PREP: variants seen among roughly 807,000 people sequenced by gnomAD.
The protein encoded by PREP is prolyl endopeptidase.
PREP carries 29 observed loss-of-function variants against 87.6 expected under a neutral mutation model. That is an observed-to-expected ratio of 0.33 (90% CI 0.25 to 0.45). The LOEUF is 0.45. PREP is among the 20% of genes least tolerant of loss of function. PREP has a pLI of 1.00. For synonymous variants in PREP, 337 were observed against 328.6 expected (o/e 1.03, Z -0.28); for missense variants, 695 against 886.5 (o/e 0.78, Z 2.74).
At chr6:105,340,860 C>T (rs924737649) in intron 7 of PREP, among the ~76,000 whole-genome samples, 1 of 152,156 alleles carries the variant, frequency 6.6e-6, no homozygotes. Context: ...TATATATGCA[C>T]CCAATACAGG....
At chr6:105,372,605 A>G (rs1253942503) in intron 5 of PREP, among the ~76,000 whole-genome samples, 1 of 152,230 alleles carries the variant, frequency 6.6e-6, no homozygotes, top group Admixed American at 6.5e-5. Context: ...GAGAAGAACA[A>G]TAAAGGTGTG....
intron 10 of PREP, chr6:105,322,145 A>T (rs913473434): frequency 3.5e-6 from 1 of 282,542 alleles, no homozygotes; most frequent in Non-Finnish European, 5.3e-6. Flanking sequence ...TTGGTATAGG[A>T]TGAGGGTGAA....
chr6:105,318,086 C>CT (rs980484676), intron 10 of PREP, among the ~76,000 whole-genome samples: 4 of 152,124 alleles, frequency 2.6e-5, no homozygotes, highest in African/African-American at 7.2e-5. Context: ...TGCCAAAGGC[C>CT]TTTTTTTGCC....
Position 105,287,102 on chromosome 6 carries a change from T to C in PREP, c.1455-1522A>G, listed in dbSNP as rs2114614701. On this transcript the variant is annotated intron_variant, in intron 11 of 14. Transcript: ENST00000652536. The stretch of plus-strand genomic sequence containing the variant: ...TAAACCCCAACATTTATCGTCTTGC[T>C]TTTTTTCAAGGGGCAAGGTTGCTCT... Among the ~76,000 whole-genome samples, 2 of 152,112 alleles carry C rather than the reference T, an allele frequency of 1.3e-5. 1 individual carries two copies. Among genetic ancestry groups the C allele is most frequent in the Middle Eastern group, 6.8e-3 (2 of 292 alleles).
chr6:105,353,595 A>C (rs545345737), intron 6 of PREP, among the ~76,000 whole-genome samples: 1 of 152,056 alleles, frequency 6.6e-6, no homozygotes, highest in Admixed American at 6.6e-5. Context: ...AACATGGTGA[A>C]ACCCTGTCTC....
intron 6 of PREP, among the ~76,000 whole-genome samples, chr6:105,358,052 TAATTCCTAAATTTACA>T (rs1772148140): frequency 6.6e-6 from 1 of 152,040 alleles, no homozygotes; most frequent in African/African-American, 2.4e-5. Context: ...AATTATGAAA[TAATTCCTAAATTTACA>T]AATTCCTAAA....
chr6:105,401,279 T>C (rs1252457285), intron 1 of PREP, among the ~76,000 whole-genome samples: 2 of 152,194 alleles, frequency 1.3e-5, no homozygotes, highest in South Asian at 2.1e-4. Context: ...ACTGCACTTA[T>C]CAAACCACAG....
At chr6:105,300,251 T>C (rs1318135082) in intron 10 of PREP, among the ~76,000 whole-genome samples, 1 of 152,202 alleles carries the variant, frequency 6.6e-6, no homozygotes, top group African/African-American at 2.4e-5. Context: ...AAAAGCGATA[T>C]TCCAGATACA....
intron 6 of PREP, among the ~76,000 whole-genome samples, chr6:105,365,703 C>T (rs935434672): frequency 1.4e-4 from 21 of 152,098 alleles, no homozygotes; most frequent in African/African-American, 4.6e-4. Context: ...TGGGATGACA[C>T]CAGTCACAAC....
chr6:105,397,717 G>T, intron 2 of PREP, 136 bp downstream of exon 2: 1 of 641,970 alleles, frequency 1.6e-6, no homozygotes, highest in Non-Finnish European at 2.7e-6. Context: ...AAAAGTAGTG[G>T]TAACAACAGG....
At chr6:105,279,040 G>A (rs890346559) in intron 14 of PREP, 1 of 152,194 alleles carries the variant, frequency 6.6e-6, no homozygotes, top group African/African-American at 2.4e-5. Flanking sequence ...TTTGCCAGAG[G>A]AGGAGGGCAC....
chr6:105,343,267 GAA>G (rs1771708824), intron 7 of PREP, among the ~76,000 whole-genome samples: 1 of 152,148 alleles, frequency 6.6e-6, no homozygotes, highest in Non-Finnish European at 1.5e-5. Context: ...ACAAAAACAA[GAA>G]ATGGGGAAAG....
At chr6:105,298,025 T>C (rs1770447637) in intron 10 of PREP, 1 of 152,214 alleles carries the variant, frequency 6.6e-6, no homozygotes, top group South Asian at 2.1e-4. Context: ...TTCTAAGCAT[T>C]AGTGAGCCAG....
intron 6 of PREP, among the ~76,000 whole-genome samples, chr6:105,363,364 C>T (rs139310532): frequency 4.5e-4 from 68 of 152,262 alleles, no homozygotes; most frequent in Middle Eastern, 3.4e-3. Context: ...CAGATGCTCA[C>T]AATTCACTTT....
intron 7 of PREP, 140 bp from the exon 8 acceptor site, chr6:105,333,645 G>A: frequency 3.4e-6 from 3 of 877,504 alleles, no homozygotes; most frequent in Non-Finnish European, 5.3e-6. Flanking sequence ...GCATGAAAAG[G>A]AGCAAGAACC....
chr6:105,327,090 A>G (rs1005180980), intron 9 of PREP, among the ~76,000 whole-genome samples: 2 of 152,188 alleles, frequency 1.3e-5, no homozygotes, highest in African/African-American at 4.8e-5. Flanking sequence ...TTTTAAGAGC[A>G]GGTGAGTCAC....
chr6:105,373,728 C>T, intron 4 of PREP, 150 bp from the exon 5 acceptor site: 1 of 798,526 alleles, frequency 1.3e-6, no homozygotes, highest in Non-Finnish European at 2.0e-6. Context: ...ATCCCGGGGG[C>T]TCAGCCCAAG....
At position 105,308,409 on chromosome 6, in the gene PREP, T is replaced by G. The variant is rs117279123; in HGVS notation, c.1317+15256A>C. ...ATGCAACAACCTAGAGTTGGAGGGC[T>G]CCAGTACAATAAAAGCATGCTAGGA... On this transcript the variant is annotated intron_variant, in intron 10 of 14. Transcript: ENST00000652536. 0.011 allele frequency among the ~76,000 whole-genome samples: 1,699 copies of G among 152,208 alleles called. 109 individuals carry two copies. In the East Asian group the frequency reaches 0.17, roughly 15 times the overall value.
At chr6:105,351,005 C>A (rs1221841875) in intron 7 of PREP, among the ~76,000 whole-genome samples, 1 of 152,164 alleles carries the variant, frequency 6.6e-6, no homozygotes, top group African/African-American at 2.4e-5. Flanking sequence ...TTGCCAAACG[C>A]ATCAGTAAAG....
Sources: gnomAD v4.1 joint callset for allele counts (sites outside exome capture counted in the v4.1 genomes callset) on GRCh38, gnomAD v4.1.1 for gene constraint, MANE v1.5 for transcripts, NCBI Gene and HGNC (gene_info 2026-07-23, HGNC 2026-07-21) for gene names.